PTPN22: variants seen among roughly 807,000 people sequenced by gnomAD.
The protein encoded by PTPN22 is tyrosine-protein phosphatase non-receptor type 22.
A neutral mutation model predicts 103.3 loss-of-function variants in PTPN22; 85 were observed. That is an observed-to-expected ratio of 0.82 (90% CI 0.69 to 0.99). The LOEUF is 0.99. Among genes scored for constraint, PTPN22 ranks in the 50% least tolerant of loss-of-function variants. The probability of loss-of-function intolerance (pLI) is 0.00; values close to 1 mark genes in which losing one functional copy is unlikely to be tolerated. For missense variants in PTPN22, 865 were observed against 936.9 expected, an observed-to-expected ratio of 0.92 and a Z score of 1.00; for synonymous variants, 323 against 310.2, an observed-to-expected ratio of 1.04 and a Z score of -0.43.
At chr1:113,825,107 G>A in intron 19 of PTPN22, 35 bp downstream of exon 19, 1 of 1,403,284 alleles carries the variant, frequency 7.1e-7, no homozygotes. Flanking sequence ...ACAAAATTGA[G>A]AAAACGATAT....
chr1:113,866,550 A>G (rs1666137963), intron 1 of PTPN22, among the ~76,000 whole-genome samples: 1 of 152,082 alleles, frequency 6.6e-6, no homozygotes, highest in Non-Finnish European at 1.5e-5. Flanking sequence ...AAACCCACAT[A>G]GACAAATATA....
At chr1:113,833,223 C>A in intron 15 of PTPN22, 85 bp from the exon 16 acceptor site, 1 of 1,029,520 alleles carries the variant, frequency 9.7e-7, no homozygotes, top group South Asian at 1.4e-5. Context: ...CATTTTTGAA[C>A]TTATATGTAA....
intron 15 of PTPN22, among the ~76,000 whole-genome samples, chr1:113,833,491 A>C (rs1436324933): frequency 6.6e-6 from 1 of 152,230 alleles, no homozygotes; most frequent in South Asian, 2.1e-4. Context: ...GGAGTTGTTA[A>C]AGTAAATATA....
chr1:113,869,365 G>A (rs760779190), intron 1 of PTPN22, among the ~76,000 whole-genome samples: 1 of 151,264 alleles, frequency 6.6e-6, no homozygotes, highest in Non-Finnish European at 1.5e-5. Flanking sequence ...GACTTTAGCT[G>A]AGAAAAGGTA....
At chr1:113,848,747 G>A (rs1025019530) in intron 10 of PTPN22, 121 bp from the exon 11 acceptor site, 15 of 871,378 alleles carry the variant, frequency 1.7e-5, no homozygotes, top group Admixed American at 7.0e-5. Flanking sequence ...CCAAAAGGAC[G>A]ATCGGCATGT....
intron 18 of PTPN22, among the ~76,000 whole-genome samples, chr1:113,827,536 T>C (rs1382628416): frequency 6.6e-6 from 1 of 152,226 alleles, no homozygotes; most frequent in African/African-American, 2.4e-5. Flanking sequence ...TGTATGGATA[T>C]AACATGATTT....
At chr1:113,830,116 T>TAATC in intron 16 of PTPN22, 87 bp from the exon 17 acceptor site, 2 of 937,472 alleles carry the variant, frequency 2.1e-6, no homozygotes, top group Non-Finnish European at 3.2e-6. Flanking sequence ...TATAATTTTT[T>TAATC]AATCAATCAA....
At chr1:113,838,684 T>G in intron 11 of PTPN22, 64 bp from the exon 12 acceptor site, 1 of 1,542,962 alleles carries the variant, frequency 6.5e-7, no homozygotes. Context: ...TATTTTAATA[T>G]TTAGAAGGCT....
chr1:113,850,272 G>GGAAA lies in PTPN22; in HGVS notation c.829-1650_829-1647dup, dbSNP rs1232396836. 2.1e-3 allele frequency among the ~76,000 whole-genome samples: 274 copies of GGAAA among 132,146 alleles called. 3 individuals are homozygous for GGAAA. The highest frequency in any genetic ancestry group is 7.5e-3 in the African/African-American group (256 of 34,328). 86.7% of individuals were successfully genotyped at this position (132,146 alleles called of 152,430 possible). On this transcript the variant is annotated intron_variant, in intron 10 of 20. Coordinates refer to ENST00000359785, the Ensembl canonical transcript of PTPN22. ...AGGAAGGAAGGAAGGAAGGAAGGAA[G>GGAAA]GAAAGAAAGGAAGAAAAAGAAAAAT...
chr1:113,825,976 G>A (rs1379247743), intron 18 of PTPN22, among the ~76,000 whole-genome samples: 1 of 152,062 alleles, frequency 6.6e-6, no homozygotes, highest in Admixed American at 6.5e-5. Flanking sequence ...GCCTTCCAAA[G>A]TGCTGGGATT....
chr1:113,858,682 C>T, intron 3 of PTPN22, 109 bp from the exon 4 acceptor site: 1 of 772,064 alleles, frequency 1.3e-6, no homozygotes, highest in East Asian at 2.8e-5. Context: ...CTGTGTTACC[C>T]AGGCTGGAGT....
exon 6 of PTPN22, chr1:113,856,569 A>G (rs1558050227): frequency 6.2e-7 from 1 of 1,614,210 alleles, no homozygotes. Context: ...AGAAAGGGCC[A>G]AATTCCAGCT....
rs1427285080 is a variant in PTPN22 at position 113,837,608 on chromosome 1, G to A, written c.1792C>T (p.Gln598Ter). The A allele has an allele frequency of 4.4e-6, 7 of 1,581,722 alleles. No homozygotes were observed. Among genetic ancestry groups the A allele is most frequent in the East Asian group, 4.5e-5 (2 of 44,712 alleles). The change falls in exon 13 of 21, where the codon CAG becomes TAG. Residue 598 changes from glutamine to a stop codon, truncating the protein, a stop_gained. Transcript: ENST00000359785. LOFTEE classifies it high-confidence loss of function. ...AACTTACCTAGTACAGCTGACTCCT[G>A]GTTCAATAGTGAGGAAATATTGGTT...
chr1:113,834,796 A>T (rs1198809762), intron 14 of PTPN22, 114 bp downstream of exon 14: 1 of 887,030 alleles, frequency 1.1e-6, no homozygotes, highest in Non-Finnish European at 1.8e-6. Context: ...CCTGGCCTCA[A>T]TGAACTCCTC....
intron 11 of PTPN22, among the ~76,000 whole-genome samples, chr1:113,848,285 A>T (rs781722118): frequency 6.6e-6 from 1 of 151,688 alleles, no homozygotes; most frequent in Non-Finnish European, 1.5e-5. Flanking sequence ...ACCTCAGGTG[A>T]TCTGCCTGCC....
exon 4 of PTPN22, chr1:113,858,538 C>A (rs2102125271): frequency 6.2e-7 from 1 of 1,604,786 alleles, no homozygotes; most frequent in Non-Finnish European, 8.5e-7. Flanking sequence ...ATAAAGGACC[C>A]TGGGTGGCAA....
At chr1:113,837,494 A>C (rs2101966380) in intron 13 of PTPN22, 96 bp downstream of exon 13, 8 of 836,302 alleles carry the variant, frequency 9.6e-6, no homozygotes, top group Admixed American at 2.8e-5. Context: ...GAAAGAGAAG[A>C]AGCAGAGGAG....
exon 2 of PTPN22, chr1:113,859,372 C>G (rs1665371095): frequency 6.2e-7 from 1 of 1,612,190 alleles, no homozygotes. Flanking sequence ...ATCCTTATAT[C>G]TGTTTTTCTT....
At chr1:113,814,041 A>G (rs3811021) in exon 21 of PTPN22, 23,642 of 152,316 alleles carry the variant, frequency 0.16, 2,085 homozygotes, top group East Asian at 0.23. Context: ...TTGTAAAAAC[A>G]ATTACCTGCC....
Sources: allele counts gnomAD v4.1 joint callset (sites outside exome capture counted in the v4.1 genomes callset), GRCh38; gene constraint gnomAD v4.1.1; transcripts MANE v1.5; gene names NCBI Gene and HGNC (gene_info 2026-07-23, HGNC 2026-07-21).